KANSL1L: variants seen among roughly 807,000 people sequenced by gnomAD.
KANSL1L encodes the protein KAT8 regulatory NSL complex subunit 1 like.
In KANSL1L, 25 loss-of-function variants were observed where a neutral mutation model predicts 108.6. The observed-to-expected ratio is 0.23, with a 90% CI of 0.17 to 0.32. The LOEUF (loss-of-function observed/expected upper bound fraction) is 0.32, where lower values mean the gene tolerates loss of function less well. KANSL1L is among the 10% of genes least tolerant of loss of function. KANSL1L has a pLI of 1.00. For synonymous variants in KANSL1L, 405 were observed against 395.1 expected (o/e 1.03, Z -0.30); for missense variants, 1,137 against 1,125.7 (o/e 1.01, Z -0.14).
intron 13 of KANSL1L, among the ~76,000 whole-genome samples, 190 bp downstream of exon 13, chr2:210,024,914 A>G (rs1221507894): frequency 1.3e-5 from 2 of 152,242 alleles, no homozygotes; most frequent in East Asian, 3.8e-4. Context: ...AACTAATTTC[A>G]TCATTATATA....
At chr2:210,164,497 T>TTA (rs2095376741) in intron 1 of KANSL1L, among the ~76,000 whole-genome samples, 1 of 152,158 alleles carries the variant, frequency 6.6e-6, no homozygotes, top group Admixed American at 6.5e-5. Flanking sequence ...AAATACTTTA[T>TTA]TATATTACTC....
At chr2:210,172,723 C>T (rs1442390195), upstream of KANSL1L, among the ~76,000 whole-genome samples, 1 of 152,128 alleles carries the variant, frequency 6.6e-6, no homozygotes, top group African/African-American at 2.4e-5. Flanking sequence ...AAGGACTGTC[C>T]TAGTCCCTGG....
At chr2:210,094,471 A>G (rs979981251) in intron 5 of KANSL1L, among the ~76,000 whole-genome samples, 1 of 152,120 alleles carries the variant, frequency 6.6e-6, no homozygotes, top group Non-Finnish European at 1.5e-5. Context: ...TAACAAAGGT[A>G]TTGGAAAATA....
intron 2 of KANSL1L, among the ~76,000 whole-genome samples, chr2:210,136,245 G>A (rs920955321): frequency 6.6e-6 from 1 of 151,798 alleles, no homozygotes; most frequent in African/African-American, 2.4e-5. Flanking sequence ...ATATGGGATG[G>A]GCAAATTTAG....
intron 5 of KANSL1L, chr2:210,089,026 C>A: frequency 5.9e-6 from 1 of 169,128 alleles, no homozygotes; most frequent in East Asian, 1.7e-4. Flanking sequence ...TGTGTTTGCC[C>A]TGATGAATGG....
intron 3 of KANSL1L, among the ~76,000 whole-genome samples, chr2:210,109,267 A>T (rs1405971301): frequency 6.6e-6 from 1 of 152,172 alleles, no homozygotes; most frequent in Admixed American, 6.6e-5. Flanking sequence ...CCCTTACCAG[A>T]ATATAAACTC....
At chr2:210,026,457 ATG>A (rs951371279) in intron 12 of KANSL1L, 1 of 152,234 alleles carries the variant, frequency 6.6e-6, no homozygotes, top group Non-Finnish European at 1.5e-5. Context: ...ATCTGAAATG[ATG>A]TGAGGCTATT....
chr2:210,051,467 G>C (rs2094291598), intron 6 of KANSL1L, among the ~76,000 whole-genome samples: 1 of 151,936 alleles, frequency 6.6e-6, no homozygotes, highest in Non-Finnish European at 1.5e-5. Context: ...AATGTACCTT[G>C]TTTTTTAATA....
At chr2:210,161,559 A>G (rs2095361649) in intron 1 of KANSL1L, among the ~76,000 whole-genome samples, 1 of 152,236 alleles carries the variant, frequency 6.6e-6, no homozygotes, top group African/African-American at 2.4e-5. Context: ...ATTCACAAAA[A>G]GTTGCTAAAT....
rs144531917 is a variant in KANSL1L, at chr2:210,022,987, A to C, written c.2926T>G (p.Phe976Val). 24 of 1,613,646 alleles carry C rather than the reference A, an allele frequency of 1.5e-5. No individual in the cohort carries two copies. In the Middle Eastern group the frequency reaches 6.6e-4, roughly 44 times the overall value. ...QSDGMEEYKTFGLGLTNVKKN... is the reference protein window; with the variant it reads ...QSDGMEEYKTVGLGLTNVKKN... ...TTAACATTAGTAAGTCCTAGACCAA[A>C]GGTTTTGTATTCTTCCATTCCATCT... The change falls in exon 15 of 15, where the codon TTT becomes GTT. Residue 976 changes from phenylalanine to valine, a missense_variant. Transcript: ENST00000281772.
rs1257377644 is a variant in KANSL1L at position 210,129,046 on chromosome 2, TTGC to T, written c.1212_1214del (p.Gln405del). ...CAGACAATACCTTGGAGGCACGAAT[TTGC>T]CTGTGAATGTCTGTTAGTTGTTGGA... is the stretch of plus-strand genomic sequence containing the variant. On this transcript the variant is annotated inframe_deletion, in exon 3 of 15. Transcript: ENST00000281772. 6.2e-7 allele frequency: 1 copy of T among 1,613,584 alleles called. No individual in the cohort carries two copies. Among genetic ancestry groups the T allele is most frequent in the Non-Finnish European group, 8.5e-7 (1 of 1,179,696 alleles).
rs1575499158 is a variant in KANSL1L, at chr2:210,084,701, G to A, written c.1551-8945C>T. Among the ~76,000 whole-genome samples, 3 of 151,858 alleles carry A rather than the reference G, an allele frequency of 2.0e-5. No individual in the cohort carries two copies. The East Asian group carries it at 5.8e-4, about 30-fold the overall frequency. Reference sequence around the variant, plus strand: ...CGATCTCGGCTCACTGCAACCTCCGGCTCCCAGGATCAAGCAATTCTCCTG... The same window carrying A: ...CGATCTCGGCTCACTGCAACCTCCGACTCCCAGGATCAAGCAATTCTCCTG... On this transcript the variant is annotated intron_variant, in intron 5 of 14. Coordinates refer to ENST00000281772, the MANE Select transcript of KANSL1L (RefSeq NM_152519.4).
chr2:210,077,396 T>A (rs1014813978), intron 5 of KANSL1L, among the ~76,000 whole-genome samples: 1 of 152,042 alleles, frequency 6.6e-6, no homozygotes, highest in Non-Finnish European at 1.5e-5. Flanking sequence ...AATTAACAGG[T>A]CCAATCTCAC....
chr2:210,155,517 T>C (rs2095328239), intron 1 of KANSL1L, among the ~76,000 whole-genome samples: 1 of 152,222 alleles, frequency 6.6e-6, no homozygotes, highest in African/African-American at 2.4e-5. Context: ...ATGTCTCCTC[T>C]AAACGTATCT....
rs147713772 is a variant in KANSL1L, at chr2:210,153,810, C to A, written c.773G>T (p.Gly258Val). The A allele has an allele frequency of 1.9e-6, 3 of 1,613,266 alleles. No homozygotes were observed. The highest frequency in any genetic ancestry group is 2.5e-6 in the Non-Finnish European group (3 of 1,179,826). ...LLAKHVVKHYGQQMKLSMKHQ... is the reference protein window; with the variant it reads ...LLAKHVVKHYVQQMKLSMKHQ... ...TTTCATAGACAATTTCATCTGCTGACCATAGTGCTTAACAACATGCTTTGC... is the reference window on the plus strand; with the variant it reads ...TTTCATAGACAATTTCATCTGCTGAACATAGTGCTTAACAACATGCTTTGC... Residue 258 changes from glycine to valine, a missense_variant, in exon 2 of 15, where the codon GGT becomes GTT. This residue lies in a region of KANSL1L where 556 missense variants were observed against 537.7 expected (regional missense o/e 1.03). Transcript: ENST00000281772.
At position 210,040,542 on chromosome 2, in the gene KANSL1L, T is replaced by A; in HGVS notation, c.1922-15A>T. ...AAGAGGCACATCTGGAAAAATAAAATAAAAAAGGTATTTTCAAATACCACT... is the reference window on the plus strand; with the variant it reads ...AAGAGGCACATCTGGAAAAATAAAAAAAAAAAGGTATTTTCAAATACCACT... On this transcript the variant is annotated splice_polypyrimidine_tract_variant and intron_variant, in intron 7 of 14. Transcript: ENST00000281772. 1.6e-6 allele frequency: 2 copies of A among 1,245,838 alleles called. No individual in the cohort carries two copies. Among genetic ancestry groups the A allele is most frequent in the Non-Finnish European group, 1.1e-6 (1 of 886,868 alleles). The allele number at this position is 1,245,838 out of a possible 1,614,324, so 77.2% of individuals were successfully genotyped here. A position where few individuals can be genotyped will look rare whatever the true frequency, so the allele number is the denominator to read the frequency against.
At chr2:210,025,935 T>C (rs1233942901) in intron 12 of KANSL1L, among the ~76,000 whole-genome samples, 1 of 152,356 alleles carries the variant, frequency 6.6e-6, no homozygotes, top group Middle Eastern at 3.4e-3. Context: ...TTAGTACCAG[T>C]AGTCTTAATG....
At chr2:210,105,440 T>G (rs1458017700) in intron 3 of KANSL1L, among the ~76,000 whole-genome samples, 1 of 149,224 alleles carries the variant, frequency 6.7e-6, no homozygotes, top group Admixed American at 6.7e-5. Context: ...ATTATTACAC[T>G]CCTAATGTGG....
At chr2:210,059,251 A>C (rs1485499584) in intron 6 of KANSL1L, among the ~76,000 whole-genome samples, 1 of 152,198 alleles carries the variant, frequency 6.6e-6, no homozygotes, top group African/African-American at 2.4e-5. Context: ...ATTCTAGCTA[A>C]TGCAGCATGA....
Sources: allele counts gnomAD v4.1 joint callset (sites outside exome capture counted in the v4.1 genomes callset), GRCh38; gene constraint gnomAD v4.1.1; regional missense constraint gnomAD v4.1.1; transcripts MANE v1.5; gene names NCBI Gene and HGNC (gene_info 2026-07-23, HGNC 2026-07-21).